GPC6: variants seen among roughly 807,000 people sequenced by gnomAD.
The protein encoded by GPC6 is glypican 6.
Under a neutral mutation model 55.2 loss-of-function variants are expected in GPC6, and 14 were observed. That is an observed-to-expected ratio of 0.25 (90% CI 0.17 to 0.40). The LOEUF (loss-of-function observed/expected upper bound fraction) is 0.40, where lower values mean the gene tolerates loss of function less well. Among genes scored for constraint, GPC6 ranks in the 10% least tolerant of loss-of-function variants. The probability of loss-of-function intolerance (pLI) is 1.00; values close to 1 mark genes in which losing one functional copy is unlikely to be tolerated. For synonymous variants in GPC6, 278 were observed against 259.6 expected (o/e 1.07, Z -0.68); for missense variants, 641 against 708.5 (o/e 0.90, Z 1.08).
chr13:94,372,826 T>C (rs1410962860), intron 6 of GPC6, among the ~76,000 whole-genome samples: 1 of 152,116 alleles, frequency 6.6e-6, no homozygotes, highest in East Asian at 1.9e-4. Context: ...CTGACAGCTT[T>C]GAAGAGAGCA....
chr13:93,297,787 G>T (rs921466408), intron 1 of GPC6, among the ~76,000 whole-genome samples: 1 of 152,018 alleles, frequency 6.6e-6, no homozygotes, highest in Non-Finnish European at 1.5e-5. Context: ...TTCTCTCTAG[G>T]TAGGGAACAA....
At position 93,358,975 on chromosome 13, in the gene GPC6, CTTT is replaced by C. The variant is rs1555293628; in HGVS notation, c.160+131370_160+131372del. ...AATGTATTGCCTTAATTCTCTCTCTCTTTTTTTTTTTTTGTTTTTTTTTTCACT... is the reference window on the plus strand; with the variant it reads ...AATGTATTGCCTTAATTCTCTCTCTCTTTTTTTTTTGTTTTTTTTTTCACT... On this transcript the variant is annotated intron_variant, in intron 1 of 8. Coordinates refer to ENST00000377047, the MANE Select transcript of GPC6 (RefSeq NM_005708.5). Among the ~76,000 whole-genome samples the C allele has an allele frequency of 7.0e-3, 697 of 99,430 alleles. 8 individuals carry two copies. Among genetic ancestry groups the C allele is most frequent in the African/African-American group, 0.028 (653 of 23,430 alleles). 65.2% of individuals were successfully genotyped at this position (99,430 alleles called of 152,430 possible).
chr13:94,076,635 C>A (rs1422098583), intron 4 of GPC6, among the ~76,000 whole-genome samples: 1 of 151,914 alleles, frequency 6.6e-6, no homozygotes, highest in African/African-American at 2.4e-5. Context: ...AGTGTTTAAT[C>A]AATTTTGGGT....
rs547932678 is a variant in GPC6, at chr13:93,241,830, T to G, written c.160+14214T>G. Among the ~76,000 whole-genome samples the G allele has an allele frequency of 1.6e-4, 13 of 82,816 alleles. 1 individual carries two copies. In the East Asian group the frequency reaches 4.8e-3, roughly 31 times the overall value. 54.3% of individuals were successfully genotyped at this position (82,816 alleles called of 152,430 possible). The stretch of plus-strand genomic sequence containing the variant: ...TGAATTGAGTTTTGACTGAACTGGG[T>G]TTTTTTTTTCTCCTTGAGGATGTAA... On this transcript the variant is annotated intron_variant, in intron 1 of 8. Transcript: ENST00000377047.
At position 94,378,255 on chromosome 13, in the gene GPC6, G is replaced by A. The variant is rs528572253; in HGVS notation, c.1153-4159G>A. Among the ~76,000 whole-genome samples the A allele has an allele frequency of 6.5e-4, 99 of 152,066 alleles. 1 individual carries two copies. Among genetic ancestry groups the A allele is most frequent in the African/African-American group, 2.3e-3 (94 of 41,480 alleles). On this transcript the variant is annotated intron_variant, in intron 6 of 8. Transcript: ENST00000377047. ...CACTGGATGTGTCTGATTATTTATG[G>A]TGTTACTTAGTTTTTTCCTCTATTG...
At chr13:93,983,689 T>C (rs930624749) in intron 3 of GPC6, among the ~76,000 whole-genome samples, 4 of 151,708 alleles carry the variant, frequency 2.6e-5, no homozygotes, top group Admixed American at 1.3e-4. Flanking sequence ...AAAGGAGAGA[T>C]AGACAGACAG....
chr13:93,568,716 C>A (rs1203053578), intron 2 of GPC6, among the ~76,000 whole-genome samples: 2 of 152,144 alleles, frequency 1.3e-5, no homozygotes, highest in African/African-American at 4.8e-5. Flanking sequence ...TTAAAGTAAC[C>A]TGAGGCTGTC....
chr13:94,078,752 A>G (rs1473709779), intron 4 of GPC6, among the ~76,000 whole-genome samples: 3 of 152,114 alleles, frequency 2.0e-5, no homozygotes, highest in East Asian at 3.9e-4. Flanking sequence ...CACAGTAATA[A>G]AAAACCTCTC....
chr13:93,646,580 T>C (rs998447795), intron 2 of GPC6, among the ~76,000 whole-genome samples: 11 of 152,138 alleles, frequency 7.2e-5, no homozygotes, highest in Non-Finnish European at 1.6e-4. Context: ...GCAATTTTAC[T>C]TATTGGGCTA....
At chr13:93,377,823 G>A (rs1039313329) in intron 1 of GPC6, among the ~76,000 whole-genome samples, 1 of 152,162 alleles carries the variant, frequency 6.6e-6, no homozygotes, top group Admixed American at 6.5e-5. Context: ...TAATTTCCTA[G>A]AGAAACTTCC....
intron 1 of GPC6, among the ~76,000 whole-genome samples, chr13:93,241,244 A>G (rs1001934849): frequency 6.6e-6 from 1 of 152,182 alleles, no homozygotes; most frequent in Admixed American, 6.5e-5. Flanking sequence ...CAAACTTTTT[A>G]CTTTTTCTTC....
At chr13:93,336,939 A>C (rs1880066704) in intron 1 of GPC6, among the ~76,000 whole-genome samples, 1 of 152,168 alleles carries the variant, frequency 6.6e-6, no homozygotes, top group South Asian at 2.1e-4. Flanking sequence ...CAAGCTGACA[A>C]ATGCTGTCAA....
intron 2 of GPC6, among the ~76,000 whole-genome samples, chr13:93,743,033 G>T (rs1036800925): frequency 6.6e-6 from 1 of 152,160 alleles, no homozygotes; most frequent in African/African-American, 2.4e-5. Context: ...AAACGTGGAG[G>T]TACAGAAATA....
intron 1 of GPC6, among the ~76,000 whole-genome samples, chr13:93,463,389 T>C (rs1169086668): frequency 3.3e-5 from 5 of 152,204 alleles, no homozygotes; most frequent in East Asian, 1.9e-4. Flanking sequence ...ACGTGACTTA[T>C]ATTAAATCTT....
rs1417491512 is a variant in GPC6, at chr13:93,510,957, A to ATATATATATATGTGTATATATATATG, written c.161-34295_161-34294insGTGTATATATATATGTATATATATAT. On this transcript the variant is annotated intron_variant, in intron 1 of 8. Coordinates refer to ENST00000377047, the MANE Select transcript of GPC6 (RefSeq NM_005708.5). ...GTATGTTTTCTTTTGAGAAATATAT[A>ATATATATATATGTGTATATATATATG]TATATATATATATGTGTATATATAT... Among the ~76,000 whole-genome samples, 146 of 14,778 alleles carry ATATATATATATGTGTATATATATATG rather than the reference A, an allele frequency of 9.9e-3. 27 individuals are homozygous for ATATATATATATGTGTATATATATATG. The highest frequency in any genetic ancestry group is 0.03 in the Non-Finnish European group (95 of 3,214). 9.7% of individuals were successfully genotyped at this position (14,778 alleles called of 152,430 possible).
At chr13:93,254,803 A>G (rs1456967455) in intron 1 of GPC6, among the ~76,000 whole-genome samples, 1 of 152,138 alleles carries the variant, frequency 6.6e-6, no homozygotes, top group Non-Finnish European at 1.5e-5. Flanking sequence ...GGAAAGCAAA[A>G]TGTTCTCTCT....
chr13:93,576,642 G>A (rs1286639124), intron 2 of GPC6, among the ~76,000 whole-genome samples: 1 of 151,942 alleles, frequency 6.6e-6, no homozygotes, highest in Non-Finnish European at 1.5e-5. Context: ...GCTCATTATT[G>A]ATAGTGTCAT....
chr13:94,170,793 T>C (rs1185321318), intron 4 of GPC6, among the ~76,000 whole-genome samples: 1 of 152,308 alleles, frequency 6.6e-6, no homozygotes, highest in South Asian at 2.1e-4. Flanking sequence ...AACAACTCTC[T>C]TGTGAGGGCA....
intron 5 of GPC6, among the ~76,000 whole-genome samples, chr13:94,302,666 T>A (rs993701566): frequency 6.6e-6 from 1 of 152,178 alleles, no homozygotes; most frequent in Admixed American, 6.5e-5. Context: ...CTCATTAGGT[T>A]TTGTAAAATT....
Sources: allele counts gnomAD v4.1 joint callset (sites outside exome capture counted in the v4.1 genomes callset), GRCh38; gene constraint gnomAD v4.1.1; transcripts MANE v1.5; gene names NCBI Gene and HGNC (gene_info 2026-07-23, HGNC 2026-07-21).